ERMAP: variants seen among roughly 807,000 people sequenced by gnomAD.
The protein encoded by ERMAP is erythroblast membrane associated protein (Scianna blood group), also known as erythroid membrane-associated protein.
A neutral mutation model predicts 49.5 loss-of-function variants in ERMAP; 34 were observed. The observed-to-expected ratio is 0.69, with a 90% CI of 0.52 to 0.91. The LOEUF is 0.91. Among genes scored for constraint, ERMAP ranks in the 40% least tolerant of loss-of-function variants. The pLI is 0.00. For missense variants in ERMAP, 541 were observed against 582.6 expected, an observed-to-expected ratio of 0.93 and a Z score of 0.74; for synonymous variants, 214 against 232.2, an observed-to-expected ratio of 0.92 and a Z score of 0.71.
Position 42,837,146 on chromosome 1 carries a change from T to C in ERMAP, c.584-12T>C. On this transcript the variant is annotated splice_polypyrimidine_tract_variant and intron_variant, in intron 6 of 11. Transcript: ENST00000372517. Reference sequence around the variant, plus strand: ...GCAAAAAATCTCATTATCTTTTCCTTTCTTCCTCTAGACAATCTTCTTTCA... The same window carrying C: ...GCAAAAAATCTCATTATCTTTTCCTCTCTTCCTCTAGACAATCTTCTTTCA... The C allele has an allele frequency of 6.2e-7, 1 of 1,613,964 alleles. No homozygotes were observed. Among genetic ancestry groups the C allele is most frequent in the Non-Finnish European group, 8.5e-7 (1 of 1,179,884 alleles).
Position 42,843,338 on chromosome 1 carries a change from A to G in ERMAP, c.*106A>G, listed in dbSNP as rs142454045. The stretch of plus-strand genomic sequence containing the variant: ...TGGAACGTCTCTTCACCTTAACCCA[A>G]ATCCAGACCCTTTTGTGGTTTCTAT... On this transcript the variant is annotated 3_prime_UTR_variant, in exon 12 of 12. Coordinates refer to ENST00000372517, the MANE Select transcript of ERMAP (RefSeq NM_001017922.2). 2.3e-4 allele frequency: 166 copies of G among 735,722 alleles called. No homozygotes were observed. In the East Asian group the frequency reaches 4.4e-3, roughly 20 times the overall value. 45.6% of individuals were successfully genotyped at this position (735,722 alleles called of 1,614,324 possible). A position where few individuals can be genotyped will look rare whatever the true frequency, so the allele number is the denominator to read the frequency against.
intron 4 of ERMAP, among the ~76,000 whole-genome samples, chr1:42,833,195 C>T (rs1167702500): frequency 6.6e-6 from 1 of 152,092 alleles, no homozygotes; most frequent in African/African-American, 2.4e-5. Flanking sequence ...AAATTCCTAC[C>T]CTAGCAGGAA....
At chr1:42,824,941 A>G (rs1654501675) in intron 1 of ERMAP, among the ~76,000 whole-genome samples, 1 of 152,218 alleles carries the variant, frequency 6.6e-6, no homozygotes, top group African/African-American at 2.4e-5. Context: ...TCTCAGCTAC[A>G]CCAAAATTGG....
intron 3 of ERMAP, 107 bp from the exon 4 acceptor site, chr1:42,830,661 G>T: frequency 7.0e-7 from 1 of 1,431,844 alleles, no homozygotes; most frequent in Non-Finnish European, 9.5e-7. Context: ...ATCCTTTCCA[G>T]AGTCCTTCCT....
intron 11 of ERMAP, among the ~76,000 whole-genome samples, chr1:42,840,727 T>G (rs1054478956): frequency 6.6e-6 from 1 of 152,242 alleles, no homozygotes; most frequent in African/African-American, 2.4e-5. Context: ...AGTATTTTTC[T>G]GATGCATAAG....
At chr1:42,840,375 T>C (rs960915339) in intron 11 of ERMAP, 79 bp downstream of exon 11, 2 of 1,569,554 alleles carry the variant, frequency 1.3e-6, no homozygotes, top group Non-Finnish European at 8.8e-7. Context: ...TTTTGTTCCA[T>C]TCCTCTGGAA....
At chr1:42,826,100 C>A (rs985955167) in intron 2 of ERMAP, among the ~76,000 whole-genome samples, 1 of 152,140 alleles carries the variant, frequency 6.6e-6, no homozygotes, top group African/African-American at 2.4e-5. Context: ...CTGTTACAAT[C>A]TTTTTTCTGA....
At chr1:42,822,426 C>T (rs949951568) in intron 1 of ERMAP, among the ~76,000 whole-genome samples, 4 of 152,136 alleles carry the variant, frequency 2.6e-5, no homozygotes, top group East Asian at 1.9e-4. Context: ...TCAGGTGACC[C>T]GCCTGGCTCA....
At position 42,843,835 on chromosome 1, in the gene ERMAP, A is replaced by G. The variant is rs558562103; in HGVS notation, c.*603A>G. ...TACAACATAGTTTGGTGATATCCAGAGCTAATGTACATGCTTTCAAAAGCT... is the reference window on the plus strand; with the variant it reads ...TACAACATAGTTTGGTGATATCCAGGGCTAATGTACATGCTTTCAAAAGCT... On this transcript the variant is annotated 3_prime_UTR_variant, in exon 12 of 12. Coordinates refer to ENST00000372517, the MANE Select transcript of ERMAP (RefSeq NM_001017922.2). The G allele has an allele frequency of 6.5e-5, 25 of 385,866 alleles. No individual in the cohort carries two copies. In the South Asian group the frequency reaches 3.3e-3, roughly 51 times the overall value. The allele number at this position is 385,866 out of a possible 1,614,324, so 23.9% of individuals were successfully genotyped here. A position where few individuals can be genotyped will look rare whatever the true frequency, so the allele number is the denominator to read the frequency against.
intron 7 of ERMAP, 83 bp downstream of exon 7, chr1:42,837,273 A>AAAAAT: frequency 2.8e-6 from 4 of 1,446,940 alleles, no homozygotes; most frequent in African/African-American, 1.4e-5. Flanking sequence ...TCATTATTAT[A>AAAAAT]AGTCTATTTT....
At chr1:42,839,277 C>T (rs1005609659) in intron 8 of ERMAP, 10 of 316,748 alleles carry the variant, frequency 3.2e-5, no homozygotes, top group African/African-American at 1.7e-4. Flanking sequence ...TGGAGCAGTA[C>T]TTCTCCATCA....
intron 4 of ERMAP, among the ~76,000 whole-genome samples, chr1:42,831,555 GTTTTTTTTTTTTTTTTTCTCTTTTTTTTT>G (rs1326324752): frequency 2.4e-5 from 1 of 41,952 alleles, no homozygotes; most frequent in Non-Finnish European, 4.4e-5. Context: ...GAGAGATAGT[GTTTTTTTTTTTTTTTTTCTCTTTTTTTTT>G]TTTTTTTTTT....
Position 42,828,313 on chromosome 1 carries a change from G to A in ERMAP, c.-5-2131G>A, listed in dbSNP as rs560246159. Reference sequence around the variant, plus strand: ...GCATCTGGTGCAAATCATTTTACATGTATTTTCTTTGATCCTTACTATAAC... The same window carrying A: ...GCATCTGGTGCAAATCATTTTACATATATTTTCTTTGATCCTTACTATAAC... On this transcript the variant is annotated intron_variant, in intron 2 of 11. Transcript: ENST00000372517. Among the ~76,000 whole-genome samples, 7 of 152,096 alleles carry A rather than the reference G, an allele frequency of 4.6e-5. No individual in the cohort carries two copies. In the South Asian group the frequency reaches 1.5e-3, roughly 32 times the overall value.
At chr1:42,821,708 T>C (rs1654409516) in intron 1 of ERMAP, among the ~76,000 whole-genome samples, 1 of 152,172 alleles carries the variant, frequency 6.6e-6, no homozygotes, top group South Asian at 2.1e-4. Context: ...TTTTGAAATT[T>C]TCCATATTAA....
intron 1 of ERMAP, 168 bp downstream of exon 1, chr1:42,817,421 A>G (rs990976511): frequency 3.0e-4 from 88 of 291,766 alleles, no homozygotes; most frequent in African/African-American, 1.8e-3. Context: ...AAACCCGCGT[A>G]GAGGGCGGGG....
In ERMAP at chr1:42,842,894, T is replaced by A; in HGVS notation, c.1090T>A (p.Tyr364Asn). ...PPRCVGIFLD[Y>N]EAGVISFYNV... Reference sequence around the variant, plus strand: ...ACGGTGTGTGGGGATTTTCCTGGACTATGAAGCAGGAGTCATCTCTTTCTA... The same window carrying A: ...ACGGTGTGTGGGGATTTTCCTGGACAATGAAGCAGGAGTCATCTCTTTCTA... The change falls in exon 12 of 12, where the codon TAT becomes AAT. Residue 364 changes from tyrosine to asparagine, a missense_variant. Transcript: ENST00000372517. 6.2e-7 allele frequency: 1 copy of A among 1,614,188 alleles called. No individual in the cohort carries two copies. The highest frequency in any genetic ancestry group is 1.1e-5 in the South Asian group (1 of 91,082).
intron 2 of ERMAP, among the ~76,000 whole-genome samples, chr1:42,827,570 T>A (rs1654591138): frequency 6.6e-6 from 1 of 152,246 alleles, no homozygotes; most frequent in African/African-American, 2.4e-5. Flanking sequence ...ACAGATGATT[T>A]GACATTTTTG....
At chr1:42,825,345 G>A (rs1654511977) in intron 1 of ERMAP, 1 of 436,268 alleles carries the variant, frequency 2.3e-6, no homozygotes, top group African/African-American at 2.1e-5. Flanking sequence ...CAGAAAGAAT[G>A]TGATAGGATC....
intron 1 of ERMAP, among the ~76,000 whole-genome samples, chr1:42,822,639 T>A (rs1025353994): frequency 3.3e-5 from 5 of 152,232 alleles, no homozygotes; most frequent in African/African-American, 1.2e-4. Context: ...GTATCCTTTC[T>A]TCTTTATTTG....
Sources: gnomAD v4.1 joint callset for allele counts (sites outside exome capture counted in the v4.1 genomes callset) on GRCh38, gnomAD v4.1.1 for gene constraint, MANE v1.5 for transcripts, NCBI Gene and HGNC (gene_info 2026-07-23, HGNC 2026-07-21) for gene names.